BLM: variants seen among roughly 807,000 people sequenced by gnomAD.
The protein encoded by BLM is BLM RecQ like helicase, also known as recQ-like DNA helicase BLM.
BLM carries 95 observed loss-of-function variants against 135.3 expected under a neutral mutation model. The observed-to-expected ratio is 0.70, with a 90% CI of 0.59 to 0.83. The LOEUF (loss-of-function observed/expected upper bound fraction) is 0.83. Among genes scored for constraint, BLM ranks in the 40% least tolerant of loss-of-function variants. BLM has a pLI of 0.00. For missense variants in BLM, 1,518 were observed against 1,663.9 expected (o/e 0.91, Z 1.53); for synonymous variants, 520 against 589.2 (o/e 0.88, Z 1.70).
chr15:90,746,140 C>T (rs78641345), intron 1 of BLM, among the ~76,000 whole-genome samples: 3 of 152,092 alleles, frequency 2.0e-5, no homozygotes, highest in Admixed American at 6.5e-5. Context: ...ATAACAGAAT[C>T]GAAATGTCAC....
intron 2 of BLM, among the ~76,000 whole-genome samples, chr15:90,748,233 C>T (rs561005936): frequency 3.3e-4 from 50 of 152,062 alleles, no homozygotes; most frequent in African/African-American, 1.1e-3. Flanking sequence ...CTCAGCCTCC[C>T]AAGTAGCTGG....
intron 5 of BLM, among the ~76,000 whole-genome samples, chr15:90,758,958 A>T (rs1895888743): frequency 6.6e-6 from 1 of 152,202 alleles, no homozygotes; most frequent in Non-Finnish European, 1.5e-5. Flanking sequence ...AACAACAGGT[A>T]GGGCTCTTGC....
chr15:90,727,018 A>T (rs1894936752), intron 1 of BLM, among the ~76,000 whole-genome samples: 1 of 152,208 alleles, frequency 6.6e-6, no homozygotes, highest in African/African-American at 2.4e-5. Context: ...ACTGTTCTCC[A>T]TAGTGGCTGT....
chr15:90,748,532 A>G lies in BLM; in HGVS notation c.99-835A>G, dbSNP rs28384982. Among the ~76,000 whole-genome samples, 617 of 152,272 alleles carry G rather than the reference A, an allele frequency of 4.1e-3. 3 individuals carry two copies. The highest frequency in any genetic ancestry group is 0.013 in the African/African-American group (540 of 41,554). On this transcript the variant is annotated intron_variant, in intron 2 of 21. Transcript: ENST00000355112. ...TTCTAATGATATCTAATAATAATTT[A>G]TATTATAAGTGATGCTTTTACCAGG...
chr15:90,767,724 T>G (rs1425767085), intron 10 of BLM, among the ~76,000 whole-genome samples: 1 of 152,204 alleles, frequency 6.6e-6, no homozygotes, highest in African/African-American at 2.4e-5. Context: ...CGCTGTAAAG[T>G]TACTCATTTC....
intron 16 of BLM, among the ~76,000 whole-genome samples, chr15:90,797,229 C>T (rs558359548): frequency 6.6e-6 from 1 of 152,010 alleles, no homozygotes; most frequent in South Asian, 2.1e-4. Context: ...GCCTGGCCAA[C>T]GTGGTGAAAC....
At chr15:90,717,969 A>G (rs1296126415) in intron 1 of BLM, among the ~76,000 whole-genome samples, 2 of 152,194 alleles carry the variant, frequency 1.3e-5, no homozygotes, top group Non-Finnish European at 2.9e-5. Flanking sequence ...AGAATACTGC[A>G]TCAGATTGCT....
At chr15:90,782,736 T>G in intron 12 of BLM, 86 bp from the exon 13 acceptor site, 2 of 1,043,108 alleles carry the variant, frequency 1.9e-6, no homozygotes, top group Non-Finnish European at 2.9e-6. Context: ...GGGTTAGGAT[T>G]TTAGGGGGGA....
At chr15:90,753,008 T>C (rs905063997) in intron 4 of BLM, among the ~76,000 whole-genome samples, 12 of 152,220 alleles carry the variant, frequency 7.9e-5, no homozygotes, top group African/African-American at 2.7e-4. Flanking sequence ...CTTTTTTCTT[T>C]ACTCATTAAA....
chr15:90,747,237 C>CAA (rs59331923), intron 1 of BLM, among the ~76,000 whole-genome samples, 152 bp from the exon 2 acceptor site: 460 of 39,288 alleles, frequency 0.012, 40 homozygotes, highest in African/African-American at 0.04. Flanking sequence ...GTCTATTGAC[C>CAA]AAAAAAAAAA....
chr15:90,755,230 A>T, intron 5 of BLM: 4 of 390,174 alleles, frequency 1.0e-5, no homozygotes, highest in Non-Finnish European at 1.8e-5. Flanking sequence ...GGAGGTTTTT[A>T]AATTTTTATT....
chr15:90,778,734 G>A (rs1426512230), intron 12 of BLM, among the ~76,000 whole-genome samples: 2 of 152,052 alleles, frequency 1.3e-5, no homozygotes, highest in Non-Finnish European at 2.9e-5. Context: ...AGTTGATATT[G>A]GGTTGTTTCC....
In BLM at chr15:90,769,433, A is replaced by G. The variant is rs1555420870; in HGVS notation, c.2407-5A>G. The G allele has an allele frequency of 6.2e-7, 1 of 1,613,974 alleles. No homozygotes were observed. The highest frequency in any genetic ancestry group is 2.2e-5 in the East Asian group (1 of 44,886). On this transcript the variant is annotated splice_region_variant and splice_polypyrimidine_tract_variant and intron_variant, in intron 11 of 21. Transcript: ENST00000355112. The stretch of plus-strand genomic sequence containing the variant: ...CTGAAAAGCAGTATTTTTTTTTCCA[A>G]CTAGTGGGGACATGATTTTCGTCAA...
chr15:90,780,082 T>TG (rs1896580997), intron 12 of BLM, among the ~76,000 whole-genome samples: 1 of 94,990 alleles, frequency 1.1e-5, no homozygotes, highest in South Asian at 2.8e-4. Flanking sequence ...GCAGGATGTC[T>TG]TTTTTTTTTT....
At position 90,794,192 on chromosome 15, in the gene BLM, A is replaced by C. The variant is rs966206627; in HGVS notation, c.3045A>C (p.Thr1015=). ...TGGAAAAAGATGGAAACCATCATAC[A>C]AGAGAAACTCACTTCAATAATTTGT... The part of the protein sequence containing the change: ...IMMEKDGNHH[T]RETHFNNLYS... Residue 1015 remains threonine, a synonymous_variant, in exon 16 of 22, where the codon ACA becomes ACC. Coordinates refer to ENST00000355112, the MANE Select transcript of BLM (RefSeq NM_000057.4). The C allele has an allele frequency of 6.2e-7, 1 of 1,605,200 alleles. No homozygotes were observed. Among genetic ancestry groups the C allele is most frequent in the Non-Finnish European group, 8.5e-7 (1 of 1,174,510 alleles).
chr15:90,767,075 T>C, intron 10 of BLM, 52 bp downstream of exon 10: 1 of 1,188,460 alleles, frequency 8.4e-7, no homozygotes, highest in Non-Finnish European at 1.2e-6. Flanking sequence ...CTAGAATACA[T>C]ATATTTTTAA....
chr15:90,799,603 CTG>C (rs146685674), intron 17 of BLM, among the ~76,000 whole-genome samples: 22,774 of 132,120 alleles, frequency 0.17, 1,908 homozygotes, highest in Non-Finnish European at 0.2. Context: ...AAAATGCTCA[CTG>C]AATGCCAAAT....
intron 1 of BLM, among the ~76,000 whole-genome samples, chr15:90,739,985 C>T (rs1895322015): frequency 6.6e-6 from 1 of 152,032 alleles, no homozygotes. Context: ...GGCTGGTCTC[C>T]AACTCCTGGG....
At chr15:90,784,602 C>T (rs1231556110) in intron 13 of BLM, among the ~76,000 whole-genome samples, 1 of 151,676 alleles carries the variant, frequency 6.6e-6, no homozygotes, top group Non-Finnish European at 1.5e-5. Flanking sequence ...TCCCAAAGTG[C>T]TGGGATTACA....
Sources: allele counts gnomAD v4.1 joint callset (sites outside exome capture counted in the v4.1 genomes callset), GRCh38; gene constraint gnomAD v4.1.1; transcripts MANE v1.5; gene names NCBI Gene and HGNC (gene_info 2026-07-23, HGNC 2026-07-21).